The following DDB2 variants were observed in gnomAD, a reference collection of about 807,000 sequenced individuals.
The protein encoded by DDB2 is damage specific DNA binding protein 2, also known as DNA damage-binding protein 2.
A neutral mutation model predicts 50.5 loss-of-function variants in DDB2; 27 were observed. The ratio of observed to expected loss-of-function variants is 0.53; its 90% CI spans 0.39 to 0.74. The LOEUF is 0.74. Ranked by LOEUF, DDB2 falls within the 30% of genes least tolerant of loss-of-function variation. The pLI is 0.00. For synonymous variants in DDB2, 176 were observed against 205.5 expected, an observed-to-expected ratio of 0.86 and a Z score of 1.23; for missense variants, 424 against 545.6, an observed-to-expected ratio of 0.78 and a Z score of 2.22.
chr11:47,234,759 T>C lies in DDB2; in HGVS notation c.705T>C (p.Leu235=). Residue 235 remains leucine, a splice_region_variant and synonymous_variant, in exon 6 of 10, where the codon CTT becomes CTC. Coordinates refer to ENST00000256996, the MANE Select transcript of DDB2 (RefSeq NM_000107.3). ...VILLNMDGKE[L]WNLRMHKKKV... is the part of the protein sequence containing the mutation. Reference sequence around the variant, plus strand: ...CTGAACCGAGCTCTTCTCTGCAGCTTTGGAATCTCAGAATGCACAAAAAGA... The same window carrying C: ...CTGAACCGAGCTCTTCTCTGCAGCTCTGGAATCTCAGAATGCACAAAAAGA... 1 of 1,614,180 alleles carries C rather than the reference T, an allele frequency of 6.2e-7. No individual in the cohort carries two copies. Among genetic ancestry groups the C allele is most frequent in the Non-Finnish European group, 8.5e-7 (1 of 1,180,030 alleles).
rs201842334 is a variant in DDB2 at position 47,216,898 on chromosome 11, G to A, written c.305G>A (p.Arg102Gln). 1.3e-5 allele frequency: 21 copies of A among 1,614,006 alleles called. No individual in the cohort carries two copies. The highest frequency in any genetic ancestry group is 6.7e-5 in the East Asian group (3 of 44,882). The part of the protein sequence containing the change: ...QSFLHTLDSY[R>Q]ILQKAAPFDR... Reference sequence around the variant, plus strand: ...TTTTTGCACACTCTGGATTCTTACCGGATATTACAAAAGGCTGCCCCCTTT... The same window carrying A: ...TTTTTGCACACTCTGGATTCTTACCAGATATTACAAAAGGCTGCCCCCTTT... Residue 102 changes from arginine to glutamine, a missense_variant, in exon 3 of 10, where the codon CGG (arginine) becomes CAG (glutamine). Physicochemically the swap from Arg to Gln is conservative, Grantham distance 43. Coordinates refer to ENST00000256996, the MANE Select transcript of DDB2 (RefSeq NM_000107.3).
chr11:47,229,475 AAG>A (rs1953612085), intron 3 of DDB2, among the ~76,000 whole-genome samples: 1 of 152,134 alleles, frequency 6.6e-6, no homozygotes, highest in South Asian at 2.1e-4. Context: ...GGGAGGGTAA[AAG>A]AGTCCAAGCA....
At position 47,237,911 on chromosome 11, in the gene DDB2, T is replaced by G. The variant is rs769162543; in HGVS notation, c.1098T>G (p.Pro366=). Residue 366 remains proline (P), a synonymous_variant, in exon 8 of 10, where the codon CCT becomes CCG. Transcript: ENST00000256996. ...ATCCTAATTTCAAAAGTTGTACCCC[T>G]TATGAATTGAGGACGATCGACGTGT... ...YPDPNFKSCT[P]YELRTIDVFD... 8.1e-6 allele frequency: 13 copies of G among 1,614,170 alleles called. No individual in the cohort carries two copies. Among genetic ancestry groups the G allele is most frequent in the Admixed American group, 6.7e-5 (4 of 60,004 alleles).
At chr11:47,229,792 A>T in intron 3 of DDB2, 1 of 409,404 alleles carries the variant, frequency 2.4e-6, no homozygotes, top group Non-Finnish European at 4.7e-6. Context: ...TAAGTATCTC[A>T]CCCTATGCTT....
chr11:47,224,694 G>T (rs1953532249), intron 3 of DDB2, among the ~76,000 whole-genome samples: 1 of 152,070 alleles, frequency 6.6e-6, no homozygotes, highest in South Asian at 2.1e-4. Context: ...GTTGTTCACT[G>T]ATCTTTACTT....
At chr11:47,233,075 C>A in intron 4 of DDB2, 116 bp downstream of exon 4, 1 of 1,214,932 alleles carries the variant, frequency 8.2e-7, no homozygotes, top group South Asian at 1.2e-5. Context: ...GGAAAGATGT[C>A]AGCCACTTTC....
intron 3 of DDB2, among the ~76,000 whole-genome samples, chr11:47,225,608 A>C (rs887784792): frequency 1.3e-5 from 2 of 152,110 alleles, no homozygotes; most frequent in Non-Finnish European, 2.9e-5. Context: ...AAAAAAAAAA[A>C]ACAAAAAACT....
chr11:47,228,983 A>ATCTATCTATCTATCTG (rs1953603719), intron 3 of DDB2, among the ~76,000 whole-genome samples: 1 of 100,736 alleles, frequency 9.9e-6, no homozygotes, highest in Non-Finnish European at 2.1e-5. Flanking sequence ...AGAAATATCT[A>ATCTATCTATCTATCTG]TCTATCTATC....
intron 7 of DDB2, 125 bp downstream of exon 7, chr11:47,235,537 A>G: frequency 1.0e-6 from 1 of 986,054 alleles, no homozygotes; most frequent in Non-Finnish European, 1.5e-6. Flanking sequence ...TGGCCCGAGC[A>G]CAGAGCATCT....
rs1297806076 is a variant in DDB2 at position 47,233,842 on chromosome 11, C to T, written c.603-731C>T. Among the ~76,000 whole-genome samples, 7 of 152,066 alleles carry T rather than the reference C, an allele frequency of 4.6e-5. No homozygotes were observed. In the East Asian group the frequency reaches 7.7e-4, roughly 17 times the overall value. On this transcript the variant is annotated intron_variant, in intron 4 of 9. Coordinates refer to ENST00000256996, the MANE Select transcript of DDB2 (RefSeq NM_000107.3). ...AGCATTGGATTGGATCCTGGGCTGT[C>T]CCGCAGGGATGAGGAGTGCATGCGC...
intron 3 of DDB2, among the ~76,000 whole-genome samples, chr11:47,223,182 G>A (rs1031354040): frequency 2.0e-5 from 3 of 152,158 alleles, no homozygotes; most frequent in Admixed American, 1.3e-4. Context: ...TCTCCTGTCA[G>A]TACTTTAAAG....
At chr11:47,233,212 C>G (rs535711980) in intron 4 of DDB2, 14 of 533,042 alleles carry the variant, frequency 2.6e-5, no homozygotes, top group Non-Finnish European at 4.8e-5. Flanking sequence ...TAGACTGGAC[C>G]TTGACCCTCA....
At chr11:47,223,981 G>T (rs2135494983) in intron 3 of DDB2, among the ~76,000 whole-genome samples, 1 of 152,076 alleles carries the variant, frequency 6.6e-6, no homozygotes, top group African/African-American at 2.4e-5. Context: ...TGAACTTGTA[G>T]TTCCAGCTGT....
intron 4 of DDB2, among the ~76,000 whole-genome samples, chr11:47,233,763 G>A (rs899659165): frequency 4.6e-5 from 7 of 151,896 alleles, no homozygotes; most frequent in African/African-American, 1.4e-4. Context: ...TCCAGCTAGA[G>A]CCGTGACTCT....
intron 4 of DDB2, among the ~76,000 whole-genome samples, chr11:47,234,050 T>C (rs2135510803): frequency 6.6e-6 from 1 of 152,274 alleles, no homozygotes; most frequent in South Asian, 2.1e-4. Context: ...AGCACCCTCC[T>C]AGTCAGCCTC....
intron 2 of DDB2, 150 bp downstream of exon 2, chr11:47,216,622 CA>C: frequency 7.9e-7 from 1 of 1,261,476 alleles, no homozygotes; most frequent in Non-Finnish European, 1.1e-6. Flanking sequence ...GGCACTCAGC[CA>C]GGTAAAAAAT....
chr11:47,234,447 A>G (rs1418555623), intron 4 of DDB2, 126 bp from the exon 5 acceptor site: 7 of 804,744 alleles, frequency 8.7e-6, no homozygotes, highest in South Asian at 1.4e-5. Context: ...ACGGCAAGAC[A>G]GTTATTCATT....
chr11:47,228,834 G>A (rs1953598434), intron 3 of DDB2, among the ~76,000 whole-genome samples: 1 of 150,910 alleles, frequency 6.6e-6, no homozygotes, highest in Non-Finnish European at 1.5e-5. Flanking sequence ...GCGTGAGCCT[G>A]TAATCCCAGG....
intron 3 of DDB2, among the ~76,000 whole-genome samples, chr11:47,227,199 CG>C (rs1187315406): frequency 6.8e-6 from 1 of 147,896 alleles, no homozygotes; most frequent in African/African-American, 2.5e-5. Context: ...CTCCACCTCC[CG>C]GGTTCAAGCA....
Sources: allele counts gnomAD v4.1 joint callset (sites outside exome capture counted in the v4.1 genomes callset), GRCh38; gene constraint gnomAD v4.1.1; transcripts MANE v1.5; gene names NCBI Gene and HGNC (gene_info 2026-07-23, HGNC 2026-07-21).